Variants in ADD2 observed in about 807,000 individuals in gnomAD.
ADD2 encodes the protein beta-adducin.
Under a neutral mutation model 83.0 loss-of-function variants are expected in ADD2, and 23 were observed. The observed-to-expected ratio is 0.28, with a 90% CI of 0.20 to 0.39. ADD2 has a LOEUF of 0.39. ADD2 is among the 10% of genes least tolerant of loss of function. The pLI is 1.00. For synonymous variants in ADD2, 375 were observed against 375.4 expected (o/e 1.00, Z 0.01); for missense variants, 758 against 944.9 (o/e 0.80, Z 2.59).
At chr2:70,700,237 A>C (rs1260538738) in intron 4 of ADD2, among the ~76,000 whole-genome samples, 1 of 152,168 alleles carries the variant, frequency 6.6e-6, no homozygotes, top group Non-Finnish European at 1.5e-5. Context: ...CCAACACAGA[A>C]ATTAAATAGG....
In ADD2 at chr2:70,704,433, G is replaced by A; in HGVS notation, c.210C>T (p.Leu70=). 1 of 1,614,150 alleles carries A rather than the reference G, an allele frequency of 6.2e-7. No homozygotes were observed. Among genetic ancestry groups the A allele is most frequent in the East Asian group, 2.2e-5 (1 of 44,878 alleles). ...TCCCCTTCTTCATCTGCTCCTGGAT[G>A]AGGCCTTCCAGCTCCTCCCTGAAAG... ...SPSFREELEG[L]IQEQMKKGNN... The change falls in exon 4 of 16, where the codon CTC becomes CTT. Residue 70 remains leucine (L), a synonymous_variant. Coordinates refer to ENST00000264436, the MANE Select transcript of ADD2 (RefSeq NM_001617.4).
At chr2:70,681,656 T>C (rs1553369581) in intron 10 of ADD2, among the ~76,000 whole-genome samples, 1 of 152,096 alleles carries the variant, frequency 6.6e-6, no homozygotes, top group Admixed American at 6.6e-5. Flanking sequence ...GTATTCTCAT[T>C]ATTTTTAATA....
intron 1 of ADD2, among the ~76,000 whole-genome samples, chr2:70,745,147 G>A (rs1428755591): frequency 2.0e-5 from 3 of 152,092 alleles, no homozygotes; most frequent in African/African-American, 4.8e-5. Context: ...TTAGCCGGGC[G>A]TGGTGGCGGG....
intron 13 of ADD2, 117 bp from the exon 14 acceptor site, chr2:70,674,942 T>G: frequency 7.0e-7 from 1 of 1,436,444 alleles, no homozygotes; most frequent in Non-Finnish European, 9.3e-7. Context: ...CAGCGTGGCA[T>G]GCAGCTCCTT....
chr2:70,744,201 T>C (rs571089554), intron 1 of ADD2, among the ~76,000 whole-genome samples: 1 of 152,208 alleles, frequency 6.6e-6, no homozygotes, highest in Non-Finnish European at 1.5e-5. Context: ...ATAGATTAGA[T>C]AGTAGGATTG....
At chr2:70,756,062 CAAA>C (rs1317088071) in intron 1 of ADD2, among the ~76,000 whole-genome samples, 1 of 68,962 alleles carries the variant, frequency 1.5e-5, no homozygotes, top group South Asian at 5.0e-4. Context: ...TTCATCTCAG[CAAA>C]AAAAAGAAAA....
intron 14 of ADD2, 145 bp from the exon 15 acceptor site, chr2:70,673,151 T>A: frequency 1.9e-6 from 3 of 1,549,222 alleles, no homozygotes; most frequent in Non-Finnish European, 1.8e-6. Context: ...AGTTAGCTCC[T>A]CCCCCTGACC....
intron 1 of ADD2, among the ~76,000 whole-genome samples, chr2:70,749,008 T>C (rs1354276238): frequency 6.6e-6 from 1 of 152,304 alleles, no homozygotes; most frequent in East Asian, 1.9e-4. Context: ...TAGTCCGTTC[T>C]CATGTTGCTA....
In ADD2 at chr2:70,663,602, C is replaced by T. The variant is rs782344327; in HGVS notation, c.2004G>A (p.Gln668=). 6.2e-7 allele frequency: 1 copy of T among 1,614,184 alleles called. No homozygotes were observed. Among genetic ancestry groups the T allele is most frequent in the Admixed American group, 1.7e-5 (1 of 60,022 alleles). The change falls in exon 16 of 16, where the codon CAG becomes CAA. Residue 668 remains glutamine, a synonymous_variant. Coordinates refer to ENST00000264436, the MANE Select transcript of ADD2 (RefSeq NM_001617.4). ...CATCCGTGTCAGCACTGGTGGTCAT[C>T]TGGCTCAGGCCTTTGCTGAGGATTT... ...AEEILSKGLS[Q]MTTSADTDVD...
At chr2:70,680,869 A>G (rs1315695644) in intron 10 of ADD2, among the ~76,000 whole-genome samples, 6 of 152,210 alleles carry the variant, frequency 3.9e-5, no homozygotes, top group Non-Finnish European at 7.3e-5. Context: ...CAAAATTATG[A>G]CAGTACTCTA....
chr2:70,680,088 C>A (rs1670380966), intron 10 of ADD2, among the ~76,000 whole-genome samples: 4 of 152,080 alleles, frequency 2.6e-5, no homozygotes, highest in Admixed American at 2.6e-4. Flanking sequence ...TAATATTTGT[C>A]AAGATTGCAG....
In ADD2 at chr2:70,719,539, A is replaced by C. The variant is rs557567137; in HGVS notation, c.-153-6355T>G. ...CCTCATGCCTTCATGAAAGGGAAGAAAGGGTTGTTGGGGAAGCCCTGGTGA... is the reference window on the plus strand; with the variant it reads ...CCTCATGCCTTCATGAAAGGGAAGACAGGGTTGTTGGGGAAGCCCTGGTGA... On this transcript the variant is annotated intron_variant, in intron 1 of 15. Transcript: ENST00000264436. Among the ~76,000 whole-genome samples, 7 of 152,328 alleles carry C rather than the reference A, an allele frequency of 4.6e-5. No individual in the cohort carries two copies. In the East Asian group the frequency reaches 1.2e-3, roughly 25 times the overall value.
At chr2:70,701,314 G>T (rs1203745851) in intron 4 of ADD2, among the ~76,000 whole-genome samples, 2 of 151,816 alleles carry the variant, frequency 1.3e-5, no homozygotes, top group Non-Finnish European at 2.9e-5. Flanking sequence ...CCAATAAATG[G>T]CCAAAATGTA....
intron 1 of ADD2, among the ~76,000 whole-genome samples, chr2:70,749,210 AACTC>A (rs1674384503): frequency 6.6e-6 from 1 of 152,200 alleles, no homozygotes; most frequent in Admixed American, 6.5e-5. Flanking sequence ...ATCTCATGAG[AACTC>A]ACTCACTATC....
intron 1 of ADD2, among the ~76,000 whole-genome samples, chr2:70,763,320 T>C (rs1241548824): frequency 1.3e-5 from 2 of 151,982 alleles, no homozygotes; most frequent in Admixed American, 6.5e-5. Context: ...TTTCATATTA[T>C]TGCTTTAAAA....
chr2:70,663,852 G>C, intron 15 of ADD2, 117 bp from the exon 16 acceptor site: 1 of 1,138,812 alleles, frequency 8.8e-7, no homozygotes, highest in Non-Finnish European at 1.2e-6. Flanking sequence ...GCGAGGGGAG[G>C]GCCAGCCTGA....
chr2:70,761,219 A>G (rs979625186), intron 1 of ADD2, among the ~76,000 whole-genome samples: 1 of 137,912 alleles, frequency 7.3e-6, no homozygotes. Flanking sequence ...AAGCAAAAGC[A>G]TGCATTACTT....
intron 1 of ADD2, among the ~76,000 whole-genome samples, chr2:70,754,515 T>C (rs1553383482): frequency 6.6e-6 from 1 of 152,054 alleles, no homozygotes; most frequent in East Asian, 1.9e-4. Context: ...CCAACTTGAC[T>C]TCCTGTCACT....
In ADD2 at chr2:70,692,338, C is replaced by T. The variant is rs951426395; in HGVS notation, c.705+65G>A. On this transcript the variant is annotated intron_variant, in intron 7 of 15. Coordinates refer to ENST00000264436, the MANE Select transcript of ADD2 (RefSeq NM_001617.4). ...GATCTTTCCAGACTGTTTTAAGTGACGAGATTGCTACAACCTCGGCAGCCT... is the reference window on the plus strand; with the variant it reads ...GATCTTTCCAGACTGTTTTAAGTGATGAGATTGCTACAACCTCGGCAGCCT... 19 of 1,448,264 alleles carry T rather than the reference C, an allele frequency of 1.3e-5. No individual in the cohort carries two copies. In the African/African-American group the frequency reaches 1.6e-4, roughly 12 times the overall value. The allele number at this position is 1,448,264 out of a possible 1,614,324, so 89.7% of individuals were successfully genotyped here.
Sources: gnomAD v4.1 joint callset for allele counts (sites outside exome capture counted in the v4.1 genomes callset) on GRCh38, gnomAD v4.1.1 for gene constraint, MANE v1.5 for transcripts, NCBI Gene and HGNC (gene_info 2026-07-23, HGNC 2026-07-21) for gene names.